Variants in PSMD1 observed in about 807,000 individuals in gnomAD.
The protein encoded by PSMD1 is 26S proteasome non-ATPase regulatory subunit 1.
Under a neutral mutation model 119.0 loss-of-function variants are expected in PSMD1, and 18 were observed. That is an observed-to-expected ratio of 0.15 (90% CI 0.10 to 0.22). The LOEUF (loss-of-function observed/expected upper bound fraction) is 0.22. PSMD1 is among the 10% of genes least tolerant of loss of function. PSMD1 has a pLI of 1.00. For missense variants in PSMD1, 702 were observed against 1,158.5 expected (o/e 0.61, Z 5.72); for synonymous variants, 374 against 396.6 (o/e 0.94, Z 0.68).
Position 231,102,999 on chromosome 2 carries a change from AT to A in PSMD1, c.1883+15822del, listed in dbSNP as rs1694905473. ...TATGTCCTTTTAAACTTTAGAAGAG[AT>A]TTTCTACCCCAGGTTCCCTGGGAGT... On this transcript the variant is annotated intron_variant, in intron 16 of 24. Transcript: ENST00000308696. Among the ~76,000 whole-genome samples, 4 of 152,164 alleles carry A rather than the reference AT, an allele frequency of 2.6e-5. 1 individual carries two copies. In the South Asian group the frequency reaches 8.3e-4, roughly 31 times the overall value.
intron 16 of PSMD1, among the ~76,000 whole-genome samples, chr2:231,119,963 T>C (rs1461682292): frequency 6.6e-6 from 1 of 150,922 alleles, no homozygotes; most frequent in African/African-American, 2.4e-5. Context: ...TTTTTTTTTT[T>C]TTTCCCTGAG....
intron 16 of PSMD1, among the ~76,000 whole-genome samples, chr2:231,109,815 C>G (rs1228220328): frequency 5.9e-5 from 9 of 152,162 alleles, no homozygotes; most frequent in Non-Finnish European, 8.8e-5. Context: ...AGAGGCACTT[C>G]AGAGTACATT....
intron 16 of PSMD1, among the ~76,000 whole-genome samples, chr2:231,096,556 C>T (rs754593536): frequency 3.9e-5 from 6 of 152,208 alleles, no homozygotes; most frequent in Admixed American, 6.5e-5. Flanking sequence ...CGGGGAACCA[C>T]GGGTTATGGG....
At chr2:231,147,269 G>C (rs1018421040) in intron 18 of PSMD1, among the ~76,000 whole-genome samples, 1 of 152,088 alleles carries the variant, frequency 6.6e-6, no homozygotes, top group Non-Finnish European at 1.5e-5. Flanking sequence ...GAGGTGGGAG[G>C]ATCACTTGAG....
chr2:231,168,403 A>G lies in PSMD1; in HGVS notation c.2716-2163A>G, dbSNP rs564889619. Among the ~76,000 whole-genome samples the G allele has an allele frequency of 5.9e-5, 9 of 152,358 alleles. No individual in the cohort carries two copies. In the South Asian group the frequency reaches 1.7e-3, roughly 28 times the overall value. The stretch of plus-strand genomic sequence containing the variant: ...TCATAATAGCCATAAAACGGAAACA[A>G]CTTAAATGTCTTATCAACTGATGAA... On this transcript the variant is annotated intron_variant, in intron 23 of 24. Coordinates refer to ENST00000308696, the MANE Select transcript of PSMD1 (RefSeq NM_002807.4).
intron 4 of PSMD1, among the ~76,000 whole-genome samples, chr2:231,064,758 C>T (rs1272128254): frequency 2.6e-5 from 4 of 152,220 alleles, no homozygotes; most frequent in Non-Finnish European, 5.9e-5. Context: ...CTCCACCTCC[C>T]TGGTTCAAGT....
intron 16 of PSMD1, among the ~76,000 whole-genome samples, chr2:231,114,315 AAG>A (rs1695258823): frequency 3.3e-5 from 5 of 152,218 alleles, no homozygotes. Flanking sequence ...GTTGTATAAA[AAG>A]AAAACATTTT....
At chr2:231,071,625 T>A (rs1424783567) in intron 6 of PSMD1, among the ~76,000 whole-genome samples, 1 of 152,162 alleles carries the variant, frequency 6.6e-6, no homozygotes, top group Non-Finnish European at 1.5e-5. Flanking sequence ...ATGTGTTTAT[T>A]TTGAAGTTGA....
At chr2:231,126,072 GT>G (rs1220249142) in intron 16 of PSMD1, among the ~76,000 whole-genome samples, 3 of 152,132 alleles carry the variant, frequency 2.0e-5, no homozygotes, top group Non-Finnish European at 4.4e-5. Context: ...GAAATCAGAT[GT>G]TTTTTAATGT....
At position 231,123,953 on chromosome 2, in the gene PSMD1, G is replaced by A. The variant is rs1002660735; in HGVS notation, c.1884-14783G>A. 1.9e-4 allele frequency: 114 copies of A among 602,688 alleles called. 1 individual carries two copies. Among genetic ancestry groups the A allele is most frequent in the Non-Finnish European group, 1.0e-4 (35 of 337,396 alleles). The allele number at this position is 602,688 out of a possible 1,614,324, so 37.3% of individuals were successfully genotyped here. On this transcript the variant is annotated intron_variant, in intron 16 of 24. Transcript: ENST00000308696. ...CGCATACACACATCTGTCCATGTTTGTAGGTAAGATATCCAAGTATTTATT... is the reference window on the plus strand; with the variant it reads ...CGCATACACACATCTGTCCATGTTTATAGGTAAGATATCCAAGTATTTATT...
rs1553561460 is a variant in PSMD1, at chr2:231,089,602, T to TATATATATAACAGA, written c.1883+2430_1883+2431insACAGAATATATATA. 6.9e-3 allele frequency among the ~76,000 whole-genome samples: 1,055 copies of TATATATATAACAGA among 151,878 alleles called. 16 individuals carry two copies. Among genetic ancestry groups the TATATATATAACAGA allele is most frequent in the African/African-American group, 0.024 (998 of 41,358 alleles). On this transcript the variant is annotated intron_variant, in intron 16 of 24. Coordinates refer to ENST00000308696, the MANE Select transcript of PSMD1 (RefSeq NM_002807.4). ...AGGGACAGAATTAATAGGATATATA[T>TATATATATAACAGA]ATATATATATATGGGAGTTTATTAA...
intron 1 of PSMD1, among the ~76,000 whole-genome samples, chr2:231,060,656 T>G (rs376056542): frequency 2.8e-4 from 42 of 152,320 alleles, no homozygotes; most frequent in African/African-American, 1.0e-3. Flanking sequence ...GAATTCAGAA[T>G]GAGTATGATT....
chr2:231,141,610 G>T (rs1696118494), intron 17 of PSMD1, among the ~76,000 whole-genome samples: 1 of 150,998 alleles, frequency 6.6e-6, no homozygotes. Flanking sequence ...ATAGAGACTA[G>T]GTCTTGCTGT....
chr2:231,095,089 G>C (rs1393024096), intron 16 of PSMD1, among the ~76,000 whole-genome samples: 1 of 152,168 alleles, frequency 6.6e-6, no homozygotes, highest in Non-Finnish European at 1.5e-5. Flanking sequence ...CAATTGAACT[G>C]AATAATTTGG....
At chr2:231,073,039 G>A (rs1694076733) in intron 7 of PSMD1, among the ~76,000 whole-genome samples, 1 of 152,018 alleles carries the variant, frequency 6.6e-6, no homozygotes, top group Non-Finnish European at 1.5e-5. Flanking sequence ...GCCATTGTAG[G>A]GTTATTAATT....
intron 18 of PSMD1, among the ~76,000 whole-genome samples, chr2:231,150,299 A>G (rs921631902): frequency 6.6e-6 from 1 of 151,516 alleles, no homozygotes; most frequent in Admixed American, 6.6e-5. Context: ...GTGAGCCGAG[A>G]TCACACCACT....
chr2:231,154,978 TCTG>T (rs2125261265), intron 19 of PSMD1, among the ~76,000 whole-genome samples: 1 of 152,320 alleles, frequency 6.6e-6, no homozygotes, highest in African/African-American at 2.4e-5. Context: ...AATACCATAG[TCTG>T]TTTCAAAAGA....
At chr2:231,123,771 T>A in intron 16 of PSMD1, 1 of 1,605,222 alleles carries the variant, frequency 6.2e-7, no homozygotes. Context: ...CCATTTGCTG[T>A]TTTTCTGTGA....
chr2:231,123,037 C>T lies in PSMD1; in HGVS notation c.1884-15699C>T, dbSNP rs12622066. Reference sequence around the variant, plus strand: ...TCGTTAACCCAGCGCATATCTGTCCCGGAAGTGTCCTAGTTATTGCTTTGA... The same window carrying T: ...TCGTTAACCCAGCGCATATCTGTCCTGGAAGTGTCCTAGTTATTGCTTTGA... On this transcript the variant is annotated intron_variant, in intron 16 of 24. Transcript: ENST00000308696. Among the ~76,000 whole-genome samples, 200 of 152,062 alleles carry T rather than the reference C, an allele frequency of 1.3e-3. 1 individual carries two copies. The East Asian group carries it at 0.037, about 28-fold the overall frequency.
Sources: gnomAD v4.1 joint callset for allele counts (sites outside exome capture counted in the v4.1 genomes callset) on GRCh38, gnomAD v4.1.1 for gene constraint, MANE v1.5 for transcripts, NCBI Gene and HGNC (gene_info 2026-07-23, HGNC 2026-07-21) for gene names.